CADM2: variants seen among roughly 807,000 people sequenced by gnomAD.
The protein encoded by CADM2 is cell adhesion molecule 2.
Under a neutral mutation model 49.8 loss-of-function variants are expected in CADM2, and 12 were observed. The observed-to-expected ratio is 0.24, with a 90% CI of 0.15 to 0.39. The LOEUF (loss-of-function observed/expected upper bound fraction) is 0.39. Among genes scored for constraint, CADM2 ranks in the 10% least tolerant of loss-of-function variants. CADM2 has a pLI of 1.00. For synonymous variants in CADM2, 214 were observed against 175.4 expected (o/e 1.22, Z -1.74); for missense variants, 378 against 492.3 (o/e 0.77, Z 2.20).
chr3:85,711,166 G>A (rs988040667), intron 1 of CADM2, among the ~76,000 whole-genome samples: 3 of 152,034 alleles, frequency 2.0e-5, no homozygotes. Flanking sequence ...TTTTCTTTGT[G>A]AATGAAATAT....
At chr3:85,694,499 T>C (rs2066489901) in intron 1 of CADM2, among the ~76,000 whole-genome samples, 1 of 152,180 alleles carries the variant, frequency 6.6e-6, no homozygotes, top group South Asian at 2.1e-4. Flanking sequence ...AAATAAATGT[T>C]TGCTTTTTAA....
At chr3:85,949,198 T>G (rs1293779950) in intron 7 of CADM2, among the ~76,000 whole-genome samples, 1 of 151,048 alleles carries the variant, frequency 6.6e-6, no homozygotes, top group African/African-American at 2.4e-5. Flanking sequence ...TTTATATGAC[T>G]TTTTTTTAAA....
intron 1 of CADM2, among the ~76,000 whole-genome samples, chr3:85,533,005 G>C (rs1400550938): frequency 6.6e-6 from 1 of 152,184 alleles, no homozygotes; most frequent in Non-Finnish European, 1.5e-5. Context: ...CTCTTGGAGG[G>C]TGGGAGGTGG....
intron 5 of CADM2, among the ~76,000 whole-genome samples, chr3:85,908,583 T>C (rs1717126175): frequency 6.6e-6 from 1 of 152,098 alleles, no homozygotes; most frequent in Non-Finnish European, 1.5e-5. Flanking sequence ...ATTTCTGACA[T>C]ATGCAAAGTA....
At chr3:85,665,409 G>T (rs1325221782) in intron 1 of CADM2, among the ~76,000 whole-genome samples, 2 of 151,890 alleles carry the variant, frequency 1.3e-5, no homozygotes, top group Non-Finnish European at 2.9e-5. Context: ...ATATGTGTTT[G>T]CCTTTAATTT....
At chr3:85,686,879 G>C (rs972400130) in intron 1 of CADM2, among the ~76,000 whole-genome samples, 1 of 152,096 alleles carries the variant, frequency 6.6e-6, no homozygotes, top group Non-Finnish European at 1.5e-5. Flanking sequence ...GAGTTGTCTT[G>C]CCTTTTCAGA....
At chr3:85,979,311 G>A (rs1727188206) in intron 8 of CADM2, 1 of 1,602,802 alleles carries the variant, frequency 6.2e-7, no homozygotes, top group African/African-American at 1.3e-5. Flanking sequence ...GTTATAGCCT[G>A]GAAAGCACAT....
intron 1 of CADM2, among the ~76,000 whole-genome samples, chr3:85,019,108 A>T (rs1423055668): frequency 6.6e-6 from 1 of 152,202 alleles, no homozygotes; most frequent in Non-Finnish European, 1.5e-5. Context: ...AAAATATAAT[A>T]TGGACAAGAA....
At chr3:85,372,435 G>GTATATATGTT (rs1319759624) in intron 1 of CADM2, among the ~76,000 whole-genome samples, 1 of 149,862 alleles carries the variant, frequency 6.7e-6, no homozygotes, top group South Asian at 2.1e-4. Flanking sequence ...GTGTATATAT[G>GTATATATGTT]TATATATGTG....
chr3:85,107,096 G>C (rs186884004), intron 1 of CADM2, among the ~76,000 whole-genome samples: 7 of 152,200 alleles, frequency 4.6e-5, no homozygotes, highest in African/African-American at 1.4e-4. Flanking sequence ...ACCATCTATC[G>C]CTGTCCCATT....
intron 1 of CADM2, among the ~76,000 whole-genome samples, chr3:85,290,951 G>A (rs1305851779): frequency 1.3e-5 from 2 of 152,216 alleles, no homozygotes; most frequent in Admixed American, 1.3e-4. Context: ...TGACTTTGAT[G>A]AGCTGAGAGA....
At chr3:85,310,588 A>T (rs1205781614) in intron 1 of CADM2, among the ~76,000 whole-genome samples, 3 of 152,194 alleles carry the variant, frequency 2.0e-5, no homozygotes, top group African/African-American at 4.8e-5. Flanking sequence ...ATCCCTTGGA[A>T]ATTTACATAA....
chr3:85,009,827 C>G (rs1475690242), intron 1 of CADM2, among the ~76,000 whole-genome samples: 2 of 151,384 alleles, frequency 1.3e-5, no homozygotes, highest in Non-Finnish European at 2.9e-5. Flanking sequence ...GATTGTGCCA[C>G]TGTGCTCCAG....
intron 1 of CADM2, among the ~76,000 whole-genome samples, chr3:85,467,356 G>C (rs1472314879): frequency 6.6e-6 from 1 of 151,960 alleles, no homozygotes; most frequent in East Asian, 1.9e-4. Flanking sequence ...CTAGCAAATA[G>C]ATCAAAAATG....
At chr3:85,093,953 G>A (rs950574354) in intron 1 of CADM2, among the ~76,000 whole-genome samples, 1 of 152,038 alleles carries the variant, frequency 6.6e-6, no homozygotes, top group African/African-American at 2.4e-5. Context: ...CTAGGTGGGA[G>A]GAGAGGTGCT....
intron 2 of CADM2, among the ~76,000 whole-genome samples, chr3:85,798,691 G>A (rs762142730): frequency 2.0e-5 from 3 of 152,198 alleles, no homozygotes; most frequent in African/African-American, 4.8e-5. Flanking sequence ...ATAGTTTTAA[G>A]TCAGTTAGTG....
At chr3:85,691,629 A>G (rs1402513145) in intron 1 of CADM2, among the ~76,000 whole-genome samples, 2 of 152,226 alleles carry the variant, frequency 1.3e-5, no homozygotes, top group Non-Finnish European at 2.9e-5. Flanking sequence ...TACTGGGTAT[A>G]TACCCGAAGG....
chr3:85,629,396 C>A (rs2064236587), intron 1 of CADM2, among the ~76,000 whole-genome samples: 1 of 151,752 alleles, frequency 6.6e-6, no homozygotes, highest in Non-Finnish European at 1.5e-5. Context: ...ATATAGCATG[C>A]ATGCACACAC....
chr3:85,532,531 A>G (rs910179630), intron 1 of CADM2, among the ~76,000 whole-genome samples: 2 of 152,150 alleles, frequency 1.3e-5, no homozygotes, highest in African/African-American at 2.4e-5. Context: ...TAGTTACTCA[A>G]AACTCATAAC....
Sources: gnomAD v4.1 joint callset for allele counts (sites outside exome capture counted in the v4.1 genomes callset) on GRCh38, gnomAD v4.1.1 for gene constraint, MANE v1.5 for transcripts, NCBI Gene and HGNC (gene_info 2026-07-23, HGNC 2026-07-21) for gene names.